The following NRXN3 variants were observed in gnomAD, a reference collection of about 807,000 sequenced individuals.
NRXN3 encodes neurexin 3.
Under a neutral mutation model 137.6 loss-of-function variants are expected in NRXN3, and 32 were observed. That is an observed-to-expected ratio of 0.23 (90% CI 0.18 to 0.31). NRXN3 has a LOEUF of 0.31. NRXN3 is among the 10% of genes least tolerant of loss of function. The pLI, the probability that NRXN3 is intolerant of heterozygous loss-of-function variation, is 1.00. For synonymous variants in NRXN3, 798 were observed against 784.5 expected (o/e 1.02, Z -0.29); for missense variants, 1,574 against 2,062.5 (o/e 0.76, Z 4.59).
chr14:78,704,120 G>T (rs1482555923), intron 6 of NRXN3, among the ~76,000 whole-genome samples: 2 of 152,316 alleles, frequency 1.3e-5, no homozygotes, highest in Non-Finnish European at 2.9e-5. Flanking sequence ...AGTGGGGACT[G>T]TCTCTAATTC....
chr14:78,200,115 A>T (rs932559954), intron 1 of NRXN3, among the ~76,000 whole-genome samples: 3 of 152,190 alleles, frequency 2.0e-5, no homozygotes, highest in African/African-American at 7.2e-5. Flanking sequence ...TTACTGTCAG[A>T]GTAGTGGTTG....
chr14:79,317,187 GTGCCAC>G (rs1207847077), intron 15 of NRXN3, among the ~76,000 whole-genome samples: 10 of 152,020 alleles, frequency 6.6e-5, no homozygotes, highest in Admixed American at 6.6e-4. Flanking sequence ...AGCTGAGATC[GTGCCAC>G]TGCACTCCAG....
intron 15 of NRXN3, among the ~76,000 whole-genome samples, chr14:79,087,942 C>G (rs1456224198): frequency 6.6e-6 from 1 of 150,748 alleles, no homozygotes; most frequent in East Asian, 1.9e-4. Flanking sequence ...GAAATAACAA[C>G]TAGTTGTTTC....
At chr14:78,896,077 G>A (rs2099173555) in intron 10 of NRXN3, among the ~76,000 whole-genome samples, 2 of 151,872 alleles carry the variant, frequency 1.3e-5, no homozygotes, top group African/African-American at 2.4e-5. Flanking sequence ...AAATGGTGTG[G>A]ATTGACTTGC....
intron 16 of NRXN3, among the ~76,000 whole-genome samples, chr14:79,522,563 GA>G (rs1053205681): frequency 1.6e-4 from 24 of 152,154 alleles, no homozygotes; most frequent in Non-Finnish European, 2.2e-4. Flanking sequence ...TTTTAAAAAA[GA>G]AAAAATAAAG....
At chr14:78,941,149 A>T (rs1319336807) in intron 10 of NRXN3, among the ~76,000 whole-genome samples, 2 of 152,200 alleles carry the variant, frequency 1.3e-5, no homozygotes, top group South Asian at 4.1e-4. Context: ...AAAAATAGGC[A>T]CAATCACTGG....
At chr14:79,639,371 C>T (rs553619724) in intron 16 of NRXN3, among the ~76,000 whole-genome samples, 26 of 152,160 alleles carry the variant, frequency 1.7e-4, no homozygotes, top group Non-Finnish European at 3.5e-4. Context: ...TCCTCCTACC[C>T]TCTACCCTCA....
intron 4 of NRXN3, among the ~76,000 whole-genome samples, chr14:78,488,024 C>G (rs1224544156): frequency 6.6e-6 from 1 of 152,082 alleles, no homozygotes; most frequent in African/African-American, 2.4e-5. Context: ...GGCTGTAAGT[C>G]TAAGACCAAG....
At chr14:78,266,446 A>C (rs1327907059) in intron 2 of NRXN3, among the ~76,000 whole-genome samples, 1 of 152,116 alleles carries the variant, frequency 6.6e-6, no homozygotes, top group African/African-American at 2.4e-5. Flanking sequence ...TTACAGGCAC[A>C]TACCACCACG....
intron 15 of NRXN3, among the ~76,000 whole-genome samples, chr14:79,302,353 A>G (rs1052113689): frequency 1.3e-5 from 2 of 152,128 alleles, no homozygotes; most frequent in Admixed American, 6.6e-5. Flanking sequence ...CTGTACAAGC[A>G]TGGCATCAGC....
chr14:78,966,369 G>A lies in NRXN3; in HGVS notation c.2740G>A (p.Asp914Asn), dbSNP rs775240546. 2 of 1,614,062 alleles carry A rather than the reference G, an allele frequency of 1.2e-6. No homozygotes were observed. Among genetic ancestry groups the A allele is most frequent in the Admixed American group, 3.3e-5 (2 of 60,028 alleles). ...PDGFILFNSG[D>N]GNDFIAVELV... ...TGGCTTCATTCTCTTCAATAGTGGT[G>A]ATGGCAATGACTTCATTGCAGTCGA... The change falls in exon 12 of 21, where the codon GAT becomes AAT. Residue 914 changes from aspartate (D) to asparagine (N), a missense_variant. Physicochemically the swap from Asp to Asn is conservative, Grantham distance 23. This residue lies in a region of NRXN3 where 718 missense variants were observed against 887.6 expected (regional missense o/e 0.81). Coordinates refer to ENST00000335750, the MANE Select transcript of NRXN3 (RefSeq NM_001330195.2).
intron 1 of NRXN3, among the ~76,000 whole-genome samples, chr14:78,240,634 T>C (rs2066964168): frequency 6.6e-6 from 1 of 152,238 alleles, no homozygotes; most frequent in South Asian, 2.1e-4. Flanking sequence ...ATTATTCTTC[T>C]GCCTCTTGAA....
intron 17 of NRXN3, among the ~76,000 whole-genome samples, chr14:79,676,877 T>G (rs946868124): frequency 1.3e-5 from 2 of 152,074 alleles, no homozygotes; most frequent in Non-Finnish European, 1.5e-5. Context: ...ACTGCCAGAT[T>G]TGGCCCTATA....
chr14:78,813,848 C>T (rs1217526464), intron 10 of NRXN3, among the ~76,000 whole-genome samples: 7 of 152,204 alleles, frequency 4.6e-5, no homozygotes, highest in Non-Finnish European at 1.0e-4. Context: ...CAGTTTTCTT[C>T]TAGCCTTCTT....
At chr14:78,911,998 C>G (rs1597297310) in intron 10 of NRXN3, among the ~76,000 whole-genome samples, 2 of 151,564 alleles carry the variant, frequency 1.3e-5, no homozygotes, top group African/African-American at 2.4e-5. Flanking sequence ...TATACATGTG[C>G]CATGTTGGTG....
At chr14:78,548,263 A>G (rs2096654771) in intron 4 of NRXN3, among the ~76,000 whole-genome samples, 1 of 146,956 alleles carries the variant, frequency 6.8e-6, no homozygotes, top group Admixed American at 6.8e-5. Flanking sequence ...CTATCTGGAT[A>G]TAAGTATATA....
At chr14:79,122,517 T>C (rs1395602409) in intron 15 of NRXN3, among the ~76,000 whole-genome samples, 1 of 152,186 alleles carries the variant, frequency 6.6e-6, no homozygotes, top group Non-Finnish European at 1.5e-5. Context: ...GTAGAAGAGT[T>C]AGGAATCGTT....
At chr14:78,474,954 T>C (rs1466333847) in intron 4 of NRXN3, among the ~76,000 whole-genome samples, 1 of 152,224 alleles carries the variant, frequency 6.6e-6, no homozygotes, top group East Asian at 1.9e-4. Context: ...TCTGGGATTC[T>C]GATTCAGTGG....
intron 4 of NRXN3, among the ~76,000 whole-genome samples, chr14:78,456,791 C>CTCTTTCTCTCTT (rs2094717760): frequency 1.7e-5 from 2 of 115,772 alleles, no homozygotes; most frequent in Non-Finnish European, 3.8e-5. Context: ...CTTTCTCTCT[C>CTCTTTCTCTCTT]TCTTTCTCTC....
Sources: gnomAD v4.1 joint callset for allele counts (sites outside exome capture counted in the v4.1 genomes callset) on GRCh38, gnomAD v4.1.1 for gene constraint, gnomAD v4.1.1 regional missense constraint, MANE v1.5 for transcripts, NCBI Gene and HGNC (gene_info 2026-07-23, HGNC 2026-07-21) for gene names.